The following CDKAL1 variants were observed in gnomAD, a reference collection of about 807,000 sequenced individuals.
CDKAL1 encodes the protein threonylcarbamoyladenosine tRNA methylthiotransferase.
Under a neutral mutation model 68.2 loss-of-function variants are expected in CDKAL1, and 32 were observed. That is an observed-to-expected ratio of 0.47 (90% CI 0.35 to 0.63). The LOEUF is 0.63. Ranked by LOEUF, CDKAL1 falls within the 30% of genes least tolerant of loss-of-function variation. The pLI is 0.00. For missense variants in CDKAL1, 606 were observed against 696.7 expected (o/e 0.87, Z 1.47); for synonymous variants, 234 against 244.3 (o/e 0.96, Z 0.39).
intron 8 of CDKAL1, among the ~76,000 whole-genome samples, chr6:20,819,927 A>C (rs1179523105): frequency 6.6e-6 from 1 of 152,206 alleles, no homozygotes; most frequent in Non-Finnish European, 1.5e-5. Context: ...AACCGCTTTC[A>C]GTGATGCCTC....
chr6:20,936,974 G>A (rs1763750350), intron 9 of CDKAL1, among the ~76,000 whole-genome samples: 1 of 152,154 alleles, frequency 6.6e-6, no homozygotes. Flanking sequence ...CCCGTACTCT[G>A]CCTTCATTTT....
intron 9 of CDKAL1, among the ~76,000 whole-genome samples, chr6:20,890,004 T>A (rs984912865): frequency 1.3e-5 from 2 of 152,268 alleles, no homozygotes; most frequent in Middle Eastern, 3.4e-3. Context: ...TCCTCCTGCC[T>A]CGGCCCCCCA....
At chr6:20,702,714 C>T (rs535322118) in intron 5 of CDKAL1, among the ~76,000 whole-genome samples, 3 of 152,086 alleles carry the variant, frequency 2.0e-5, no homozygotes, top group Non-Finnish European at 4.4e-5. Flanking sequence ...TGTTGGCCTG[C>T]TAGGGTCTCG....
chr6:20,730,939 C>T (rs562814420), intron 5 of CDKAL1, among the ~76,000 whole-genome samples: 3 of 151,156 alleles, frequency 2.0e-5, no homozygotes, highest in East Asian at 2.0e-4. Flanking sequence ...GATGAGAGGG[C>T]GATGTGAGCA....
intron 12 of CDKAL1, among the ~76,000 whole-genome samples, chr6:21,089,002 A>G (rs982757629): frequency 2.0e-5 from 3 of 152,230 alleles, no homozygotes; most frequent in Admixed American, 1.3e-4. Flanking sequence ...CTTTCCCATT[A>G]TCTATGGATA....
chr6:20,709,249 C>T (rs1202529900), intron 5 of CDKAL1, among the ~76,000 whole-genome samples: 3 of 151,954 alleles, frequency 2.0e-5, no homozygotes, highest in African/African-American at 7.3e-5. Flanking sequence ...GTATTTGAAC[C>T]GTCTAATGAA....
At chr6:21,228,966 C>T (rs1475411732) in intron 15 of CDKAL1, among the ~76,000 whole-genome samples, 1 of 152,202 alleles carries the variant, frequency 6.6e-6, no homozygotes, top group Non-Finnish European at 1.5e-5. Context: ...GCTCTTGCCT[C>T]CCCCTGCCAT....
intron 4 of CDKAL1, among the ~76,000 whole-genome samples, chr6:20,570,064 C>A (rs559594801): frequency 6.6e-6 from 1 of 151,760 alleles, no homozygotes; most frequent in Admixed American, 6.6e-5. Flanking sequence ...TTGACTACAG[C>A]GAAAGCTTTT....
intron 5 of CDKAL1, among the ~76,000 whole-genome samples, chr6:20,672,524 G>A (rs772183381): frequency 5.3e-5 from 8 of 151,194 alleles, no homozygotes; most frequent in East Asian, 2.0e-4. Flanking sequence ...GCTAATTTCT[G>A]TATTTTTAAT....
At chr6:21,032,053 C>T (rs1056726206) in intron 11 of CDKAL1, among the ~76,000 whole-genome samples, 4 of 152,064 alleles carry the variant, frequency 2.6e-5, no homozygotes, top group Non-Finnish European at 4.4e-5. Flanking sequence ...TTCTCAGCCC[C>T]CTTCCCACCA....
chr6:20,609,251 T>C (rs1016348770), intron 4 of CDKAL1, among the ~76,000 whole-genome samples: 799 of 68,520 alleles, frequency 0.012, 9 homozygotes, highest in African/African-American at 0.048. Context: ...TTCCTTCTTC[T>C]TCCTCCTTCC....
At chr6:21,126,691 T>C (rs1442457603) in intron 13 of CDKAL1, among the ~76,000 whole-genome samples, 1 of 152,220 alleles carries the variant, frequency 6.6e-6, no homozygotes, top group African/African-American at 2.4e-5. Context: ...GTTTTACCTA[T>C]GTTATGCTTA....
At chr6:20,562,391 G>A (rs1011963445) in intron 4 of CDKAL1, among the ~76,000 whole-genome samples, 4 of 152,082 alleles carry the variant, frequency 2.6e-5, no homozygotes, top group African/African-American at 9.7e-5. Context: ...CTTGAGGGTA[G>A]ACAGCATCCA....
intron 8 of CDKAL1, among the ~76,000 whole-genome samples, chr6:20,825,370 G>C (rs1777462100): frequency 6.6e-6 from 1 of 152,056 alleles, no homozygotes; most frequent in Admixed American, 6.6e-5. Context: ...GAGACTGCAG[G>C]GTTCTTAGGG....
chr6:21,005,883 G>A (rs1231458925), intron 11 of CDKAL1, among the ~76,000 whole-genome samples: 1 of 152,144 alleles, frequency 6.6e-6, no homozygotes, highest in South Asian at 2.1e-4. Context: ...CTTTTGCAGG[G>A]CGAGGAGAGA....
intron 13 of CDKAL1, among the ~76,000 whole-genome samples, chr6:21,138,918 C>T (rs1775757810): frequency 6.6e-6 from 1 of 152,182 alleles, no homozygotes; most frequent in South Asian, 2.1e-4. Context: ...TCTGTGTGCC[C>T]TTCTTGCTGC....
At chr6:20,820,050 T>C (rs950766915) in intron 8 of CDKAL1, among the ~76,000 whole-genome samples, 4 of 152,130 alleles carry the variant, frequency 2.6e-5, no homozygotes, top group Non-Finnish European at 5.9e-5. Flanking sequence ...AAGTCTCGTG[T>C]GTAACCTACC....
intron 13 of CDKAL1, among the ~76,000 whole-genome samples, chr6:21,179,191 G>C (rs1777697321): frequency 6.6e-6 from 1 of 152,174 alleles, no homozygotes; most frequent in African/African-American, 2.4e-5. Context: ...AAAGTCCCAG[G>C]TTTTCAAAGA....
intron 4 of CDKAL1, among the ~76,000 whole-genome samples, chr6:20,617,965 C>T (rs531616183): frequency 2.6e-5 from 4 of 152,216 alleles, no homozygotes; most frequent in Admixed American, 6.5e-5. Flanking sequence ...ACAATATCTC[C>T]AGTTCTAGAT....
Sources: allele counts gnomAD v4.1 joint callset (sites outside exome capture counted in the v4.1 genomes callset), GRCh38; gene constraint gnomAD v4.1.1; transcripts MANE v1.5; gene names NCBI Gene and HGNC (gene_info 2026-07-23, HGNC 2026-07-21).